Variants in DLG2 observed in about 807,000 individuals in gnomAD.
The protein encoded by DLG2 is discs large MAGUK scaffold protein 2, also known as disks large homolog 2.
In DLG2, 45 loss-of-function variants were observed where a neutral mutation model predicts 132.5. The observed-to-expected ratio is 0.34, with a 90% CI of 0.27 to 0.44. The LOEUF is 0.44. DLG2 is among the 20% of genes least tolerant of loss of function. The pLI, the probability that DLG2 is intolerant of heterozygous loss-of-function variation, is 1.00. For synonymous variants in DLG2, 424 were observed against 419.6 expected (o/e 1.01, Z -0.13); for missense variants, 1,045 against 1,196.9 (o/e 0.87, Z 1.87).
intron 6 of DLG2, among the ~76,000 whole-genome samples, chr11:84,987,828 A>G (rs1361149624): frequency 6.6e-6 from 1 of 152,184 alleles, no homozygotes; most frequent in Non-Finnish European, 1.5e-5. Flanking sequence ...CGATGATAAC[A>G]TTGGAAAATC....
At chr11:85,098,072 A>C (rs534540175) in intron 6 of DLG2, among the ~76,000 whole-genome samples, 3 of 152,240 alleles carry the variant, frequency 2.0e-5, no homozygotes, top group Non-Finnish European at 4.4e-5. Context: ...ACTATAAATC[A>C]TAAGATAAGG....
At chr11:85,473,542 G>C (rs2093051195) in intron 3 of DLG2, among the ~76,000 whole-genome samples, 1 of 151,818 alleles carries the variant, frequency 6.6e-6, no homozygotes, top group Admixed American at 6.6e-5. Context: ...AAATAAATTA[G>C]CAAATATGAG....
intron 6 of DLG2, among the ~76,000 whole-genome samples, chr11:84,685,781 C>T (rs1210181750): frequency 6.6e-6 from 1 of 152,130 alleles, no homozygotes; most frequent in Non-Finnish European, 1.5e-5. Flanking sequence ...TCTCGGCTCA[C>T]TGCAAGCTCC....
chr11:84,501,261 A>G (rs1273664351), intron 7 of DLG2, among the ~76,000 whole-genome samples: 9 of 152,198 alleles, frequency 5.9e-5, no homozygotes. Flanking sequence ...TAGATTCTGA[A>G]ATGTTTACAT....
chr11:83,716,982 G>A (rs1255345190), intron 18 of DLG2, among the ~76,000 whole-genome samples: 1 of 152,142 alleles, frequency 6.6e-6, no homozygotes, highest in Non-Finnish European at 1.5e-5. Context: ...TGTCATGAAA[G>A]TATTCCTGTC....
chr11:84,000,269 A>T (rs926654586), intron 11 of DLG2, among the ~76,000 whole-genome samples: 4 of 152,122 alleles, frequency 2.6e-5, no homozygotes, highest in Non-Finnish European at 5.9e-5. Flanking sequence ...TTAGATGAAG[A>T]AGAATCTCCG....
intron 2 of DLG2, among the ~76,000 whole-genome samples, chr11:85,609,762 A>C (rs1166714554): frequency 6.6e-6 from 1 of 152,172 alleles, no homozygotes; most frequent in Non-Finnish European, 1.5e-5. Flanking sequence ...AGGGCCAGGA[A>C]ATTGACTTCC....
chr11:85,066,283 T>C (rs1459134392), intron 6 of DLG2, among the ~76,000 whole-genome samples: 4 of 151,496 alleles, frequency 2.6e-5, no homozygotes, highest in Non-Finnish European at 4.4e-5. Flanking sequence ...CAAGAGCCAG[T>C]AGTGAAATTA....
intron 7 of DLG2, among the ~76,000 whole-genome samples, chr11:84,500,835 T>C (rs770713087): frequency 7.9e-5 from 12 of 152,182 alleles, no homozygotes; most frequent in African/African-American, 1.2e-4. Flanking sequence ...GCTAACCAAT[T>C]TTTCTATGCA....
chr11:84,496,156 G>A (rs1442242929), intron 7 of DLG2, among the ~76,000 whole-genome samples: 5 of 152,232 alleles, frequency 3.3e-5, no homozygotes, highest in South Asian at 4.1e-4. Context: ...GGTGGATGAA[G>A]GCATCAAAGT....
chr11:83,603,710 T>C (rs76361344), intron 19 of DLG2, among the ~76,000 whole-genome samples: 2,131 of 152,322 alleles, frequency 0.014, 52 homozygotes, highest in African/African-American at 0.048. Flanking sequence ...TATTGCAGTT[T>C]AACTTGTAAT....
chr11:85,417,595 G>A (rs2089972865), intron 3 of DLG2, among the ~76,000 whole-genome samples: 1 of 152,084 alleles, frequency 6.6e-6, no homozygotes, highest in Non-Finnish European at 1.5e-5. Flanking sequence ...TGGTTGGTAG[G>A]CTATTAATTA....
intron 7 of DLG2, among the ~76,000 whole-genome samples, chr11:84,359,455 C>A (rs1356750657): frequency 6.6e-6 from 1 of 151,846 alleles, no homozygotes; most frequent in Non-Finnish European, 1.5e-5. Context: ...AGAGTTAATA[C>A]ATTTCCCGAA....
chr11:83,606,728 C>A (rs1211199715), intron 19 of DLG2, among the ~76,000 whole-genome samples: 4 of 151,958 alleles, frequency 2.6e-5, no homozygotes, highest in Middle Eastern at 3.4e-3. Flanking sequence ...GAGATCAAGA[C>A]CATCCTGGCT....
At chr11:84,815,528 A>G (rs1473327567) in intron 6 of DLG2, among the ~76,000 whole-genome samples, 1 of 152,046 alleles carries the variant, frequency 6.6e-6, no homozygotes, top group Non-Finnish European at 1.5e-5. Flanking sequence ...AGGTAAATCA[A>G]TATTATTCAT....
intron 16 of DLG2, among the ~76,000 whole-genome samples, chr11:83,849,899 C>T (rs2059353283): frequency 6.6e-6 from 1 of 151,984 alleles, no homozygotes; most frequent in East Asian, 1.9e-4. Flanking sequence ...CAGTACCCAG[C>T]AAAATGTCTA....
At chr11:84,602,520 C>A (rs555631215) in intron 6 of DLG2, among the ~76,000 whole-genome samples, 1 of 152,078 alleles carries the variant, frequency 6.6e-6, no homozygotes, top group Non-Finnish European at 1.5e-5. Flanking sequence ...CCTTTCAATT[C>A]ATAAACACTA....
rs61901774 is a variant in DLG2 at position 83,889,432 on chromosome 11, C to G, written c.1497-14944G>C. 9.7e-3 allele frequency among the ~76,000 whole-genome samples: 1,462 copies of G among 150,548 alleles called. 16 individuals carry two copies. The highest frequency in any genetic ancestry group is 0.013 in the Non-Finnish European group (858 of 67,230). On this transcript the variant is annotated intron_variant, in intron 15 of 27. Coordinates refer to ENST00000376104, the MANE Select transcript of DLG2 (RefSeq NM_001142699.3). ...ATACCATCTCACACCAGTTAGAATGCCAATCATCAAAAAGTCAGGAAACAA... is the reference window on the plus strand; with the variant it reads ...ATACCATCTCACACCAGTTAGAATGGCAATCATCAAAAAGTCAGGAAACAA...
intron 18 of DLG2, among the ~76,000 whole-genome samples, chr11:83,651,259 G>A (rs2070295449): frequency 6.6e-6 from 1 of 152,150 alleles, no homozygotes; most frequent in African/African-American, 2.4e-5. Flanking sequence ...ATGTCAGAGA[G>A]TAAGTACATA....
Sources: gnomAD v4.1 joint callset for allele counts (sites outside exome capture counted in the v4.1 genomes callset) on GRCh38, gnomAD v4.1.1 for gene constraint, MANE v1.5 for transcripts, NCBI Gene and HGNC (gene_info 2026-07-23, HGNC 2026-07-21) for gene names.